Variants in NFIB observed in about 807,000 individuals in gnomAD.
NFIB encodes the protein nuclear factor 1 B-type.
Under a neutral mutation model 61.5 loss-of-function variants are expected in NFIB, and 11 were observed. The ratio of observed to expected loss-of-function variants is 0.18; its 90% CI spans 0.11 to 0.30. NFIB has a LOEUF of 0.30. Ranked by LOEUF, NFIB falls within the 10% of genes least tolerant of loss-of-function variation. NFIB has a pLI of 1.00. For missense variants in NFIB, 471 were observed against 608.9 expected, an observed-to-expected ratio of 0.77 and a Z score of 2.38; for synonymous variants, 260 against 216.5, an observed-to-expected ratio of 1.20 and a Z score of -1.76.
At chr9:14,141,730 T>C (rs980176991) in intron 6 of NFIB, among the ~76,000 whole-genome samples, 26 of 151,932 alleles carry the variant, frequency 1.7e-4, no homozygotes, top group African/African-American at 5.3e-4. Flanking sequence ...TAAAGTCTTT[T>C]TGAATTTATA....
the NFIB span, among the ~76,000 whole-genome samples, chr9:14,470,385 T>C: frequency 1.3e-5 from 2 of 152,200 alleles, no homozygotes; most frequent in Non-Finnish European, 2.9e-5. Context: ...AGCTTTCAAC[T>C]TACTCCTATT....
At chr9:14,384,953 T>G (rs2061532155) in intron 1 of NFIB, among the ~76,000 whole-genome samples, 1 of 152,200 alleles carries the variant, frequency 6.6e-6, no homozygotes, top group African/African-American at 2.4e-5. Flanking sequence ...AGTACTTCAC[T>G]CTCCAAAGCC....
chr9:14,238,752 G>GT (rs1460442696), intron 2 of NFIB, among the ~76,000 whole-genome samples: 1 of 152,124 alleles, frequency 6.6e-6, no homozygotes, highest in East Asian at 1.9e-4. Flanking sequence ...TTGGGAGTGA[G>GT]TGTCTATTCT....
At chr9:14,237,461 C>G (rs540457622) in intron 2 of NFIB, among the ~76,000 whole-genome samples, 1 of 150,674 alleles carries the variant, frequency 6.6e-6, no homozygotes, top group Non-Finnish European at 1.5e-5. Flanking sequence ...ATACCATTGC[C>G]CACTGAGCAC....
the NFIB span, among the ~76,000 whole-genome samples, chr9:14,410,631 G>A: frequency 6.6e-6 from 1 of 152,274 alleles, no homozygotes; most frequent in African/African-American, 2.4e-5. Flanking sequence ...AAACAAAGAG[G>A]TTGAAGGTTA....
chr9:14,348,218 T>C (rs923272635), intron 1 of NFIB, among the ~76,000 whole-genome samples: 1 of 152,182 alleles, frequency 6.6e-6, no homozygotes, highest in Non-Finnish European at 1.5e-5. Context: ...CATAATTCAA[T>C]TATATCATAC....
intron 2 of NFIB, among the ~76,000 whole-genome samples, chr9:14,243,857 G>A (rs1057118479): frequency 6.6e-6 from 1 of 152,150 alleles, no homozygotes; most frequent in Non-Finnish European, 1.5e-5. Context: ...CTGCTGGAGG[G>A]TTTCCTGCAC....
At chr9:14,438,830 T>A in the NFIB span, among the ~76,000 whole-genome samples, 4 of 151,944 alleles carry the variant, frequency 2.6e-5, no homozygotes, top group Non-Finnish European at 5.9e-5. Flanking sequence ...CGGCAGAGAA[T>A]GAGGGCTCTG....
intron 2 of NFIB, among the ~76,000 whole-genome samples, chr9:14,254,250 A>T (rs2055969901): frequency 6.6e-6 from 1 of 152,022 alleles, no homozygotes; most frequent in African/African-American, 2.4e-5. Context: ...GCAGCGAGCC[A>T]TGATCACACC....
intron 3 of NFIB, among the ~76,000 whole-genome samples, chr9:14,156,683 C>G (rs1009240768): frequency 1.3e-5 from 2 of 152,074 alleles, no homozygotes; most frequent in African/African-American, 4.8e-5. Context: ...GAGATGAGAA[C>G]TCCCACAAAC....
the NFIB span, among the ~76,000 whole-genome samples, chr9:14,466,015 T>C: frequency 6.6e-6 from 1 of 152,086 alleles, no homozygotes; most frequent in Non-Finnish European, 1.5e-5. Flanking sequence ...ACGGCAGGAC[T>C]GAGAGAGAGT....
chr9:14,160,373 A>C (rs1311381897), intron 3 of NFIB, among the ~76,000 whole-genome samples: 3 of 152,148 alleles, frequency 2.0e-5, no homozygotes, highest in African/African-American at 7.2e-5. Context: ...ATTTACATAG[A>C]AAATCCAAAG....
At chr9:14,466,003 G>T in the NFIB span, among the ~76,000 whole-genome samples, 1 of 152,122 alleles carries the variant, frequency 6.6e-6, no homozygotes, top group African/African-American at 2.4e-5. Context: ...CAATAGAAAA[G>T]CACGGCAGGA....
chr9:14,241,561 C>G (rs1324240917), intron 2 of NFIB, among the ~76,000 whole-genome samples: 2 of 151,940 alleles, frequency 1.3e-5, no homozygotes, highest in East Asian at 3.9e-4. Flanking sequence ...GCCATATTTC[C>G]TAGAAAATAA....
chr9:14,192,610 T>C (rs2048067354), intron 2 of NFIB, among the ~76,000 whole-genome samples: 1 of 152,176 alleles, frequency 6.6e-6, no homozygotes, highest in Non-Finnish European at 1.5e-5. Flanking sequence ...AGGAGAGGTA[T>C]TCCTTCCCTC....
At chr9:14,109,171 A>G (rs1347131793) in intron 10 of NFIB, among the ~76,000 whole-genome samples, 12 of 152,054 alleles carry the variant, frequency 7.9e-5, no homozygotes, top group Admixed American at 7.9e-4. Flanking sequence ...GTTGTCTCTT[A>G]TTATTCATCC....
chr9:14,202,212 C>A (rs995299860), intron 2 of NFIB, among the ~76,000 whole-genome samples: 7 of 150,386 alleles, frequency 4.7e-5, no homozygotes, highest in Non-Finnish European at 1.0e-4. Flanking sequence ...TTGTTTATAG[C>A]AACTAAAACA....
At chr9:14,216,795 T>C (rs558769157) in intron 2 of NFIB, among the ~76,000 whole-genome samples, 2 of 152,206 alleles carry the variant, frequency 1.3e-5, no homozygotes, top group Non-Finnish European at 2.9e-5. Context: ...TCAGCCAAAT[T>C]TTCTAAAAGA....
At chr9:14,196,247 C>A (rs1211558335) in intron 2 of NFIB, among the ~76,000 whole-genome samples, 1 of 152,044 alleles carries the variant, frequency 6.6e-6, no homozygotes, top group African/African-American at 2.4e-5. Flanking sequence ...CAGGGAGGAT[C>A]TATAAGTGAA....
Sources: gnomAD v4.1 joint callset for allele counts (sites outside exome capture counted in the v4.1 genomes callset) on GRCh38, gnomAD v4.1.1 for gene constraint, MANE v1.5 for transcripts, NCBI Gene and HGNC (gene_info 2026-07-23, HGNC 2026-07-21) for gene names.